DUOX1: variants seen among roughly 807,000 people sequenced by gnomAD.
DUOX1 encodes the protein NADPH thyroid oxidase 1.
Under a neutral mutation model 181.8 loss-of-function variants are expected in DUOX1, and 134 were observed. The observed-to-expected ratio is 0.74, with a 90% CI of 0.64 to 0.85. The LOEUF (loss-of-function observed/expected upper bound fraction) is 0.85, where lower values mean the gene tolerates loss of function less well. DUOX1 is among the 40% of genes least tolerant of loss of function. The pLI, the probability that DUOX1 is intolerant of heterozygous loss-of-function variation, is 0.00. For synonymous variants in DUOX1, 798 were observed against 832.5 expected, an observed-to-expected ratio of 0.96 and a Z score of 0.71; for missense variants, 1,814 against 2,064.4, an observed-to-expected ratio of 0.88 and a Z score of 2.35.
intron 33 of DUOX1, among the ~76,000 whole-genome samples, chr15:45,164,573 ATCC>A (rs1897182355): frequency 6.6e-6 from 1 of 151,816 alleles, no homozygotes; most frequent in Admixed American, 6.6e-5. Context: ...GGCACAAGCA[ATCC>A]TCCTGCCTCA....
In DUOX1 at chr15:45,139,577, C is replaced by T. The variant is rs945146724; in HGVS notation, c.1367C>T (p.Ala456Val). 1 of 1,600,612 alleles carries T rather than the reference C, an allele frequency of 6.2e-7. No homozygotes were observed. ...PITRWQDINP[A>V]LSRSNDTVLE... The stretch of plus-strand genomic sequence containing the variant: ...ACCCGCTGGCAGGACATCAACCCTG[C>T]ACTCTCCCGGAGCAATGACACTGTG... The change falls in exon 12 of 34, where the codon GCA (alanine) becomes GTA (valine). Residue 456 changes from alanine to valine, a missense_variant. This residue lies in a region of DUOX1 where 1,064 missense variants were observed against 1,152.9 expected (regional missense o/e 0.92). Transcript: ENST00000389037.
At chr15:45,141,271 C>T in intron 13 of DUOX1, 21 bp from the exon 14 acceptor site, 1 of 1,613,482 alleles carries the variant, frequency 6.2e-7, no homozygotes, top group Non-Finnish European at 8.5e-7. Flanking sequence ...ATCCCAGTGA[C>T]TTCTACTTAC....
intron 10 of DUOX1, among the ~76,000 whole-genome samples, chr15:45,138,315 G>T (rs527465007): frequency 9.5e-4 from 145 of 152,262 alleles, no homozygotes; most frequent in Middle Eastern, 3.4e-3. Context: ...CGCCTTCGTT[G>T]CTCCCTCTCA....
intron 15 of DUOX1, 101 bp from the exon 16 acceptor site, chr15:45,143,089 G>A (rs1896550107): frequency 2.4e-6 from 2 of 830,308 alleles, no homozygotes; most frequent in Admixed American, 4.5e-5. Context: ...CCTAGGAGGT[G>A]GGGACAATAG....
chr15:45,131,775 T>G, intron 1 of DUOX1, 143 bp from the exon 2 acceptor site: 2 of 614,660 alleles, frequency 3.3e-6, no homozygotes, highest in East Asian at 5.5e-5. Context: ...ATTAAAGAAT[T>G]TTCGGAAAGA....
chr15:45,142,801 G>GGAAGGAAGGAAGGAAGGA (rs1567012359), intron 15 of DUOX1, among the ~76,000 whole-genome samples: 1 of 144,676 alleles, frequency 6.9e-6, no homozygotes, highest in African/African-American at 2.6e-5. Context: ...GGGAGGAAGG[G>GGAAGGAAGGAAGGAAGGA]AGGGAGGAAG....
chr15:45,143,950 C>A, intron 16 of DUOX1, 86 bp from the exon 17 acceptor site: 2 of 1,369,748 alleles, frequency 1.5e-6, no homozygotes, highest in Non-Finnish European at 2.1e-6. Flanking sequence ...AGGCCTTGAT[C>A]TAATTTCAGC....
intron 21 of DUOX1, among the ~76,000 whole-genome samples, chr15:45,149,338 T>A (rs900677314): frequency 1.3e-5 from 2 of 152,078 alleles, no homozygotes; most frequent in African/African-American, 4.8e-5. Context: ...CTTTTTACCT[T>A]TCCCAGGCAG....
intron 25 of DUOX1, 85 bp downstream of exon 25, chr15:45,152,601 G>T: frequency 7.9e-7 from 1 of 1,260,282 alleles, no homozygotes; most frequent in South Asian, 1.2e-5. Context: ...CCTCTCTGCT[G>T]GCACTTACCT....
At chr15:45,151,723 T>C in intron 23 of DUOX1, 151 bp from the exon 24 acceptor site, 1 of 780,044 alleles carries the variant, frequency 1.3e-6, no homozygotes, top group Non-Finnish European at 2.1e-6. Flanking sequence ...TGCGGTGAGG[T>C]CTGAACCCTT....
chr15:45,155,606 T>A (rs1157196709), intron 27 of DUOX1, 196 bp from the exon 28 acceptor site: 3 of 632,116 alleles, frequency 4.7e-6, no homozygotes, highest in African/African-American at 3.8e-5. Context: ...TGACAAGGGC[T>A]ATGAAAAGTG....
In DUOX1 at chr15:45,141,371, C is replaced by T. The variant is rs775404107; in HGVS notation, c.1645C>T (p.Pro549Ser). ...GCTGGTCGCTGTTATCAACATTGACCCCAGTGCTCTGCAGCCCAATGTCTT... is the reference window on the plus strand; with the variant it reads ...GCTGGTCGCTGTTATCAACATTGACTCCAGTGCTCTGCAGCCCAATGTCTT... ...DVLVAVINID[P>S]SALQPNVFVW... The change falls in exon 14 of 34, where the codon CCC becomes TCC. Residue 549 changes from proline to serine, a missense_variant. By Grantham distance (74) the Pro-to-Ser change is moderately conservative. Transcript: ENST00000389037. The T allele has an allele frequency of 2.5e-6, 4 of 1,614,094 alleles. No individual in the cohort carries two copies. The highest frequency in any genetic ancestry group is 3.3e-5 in the Admixed American group (2 of 60,006).
At chr15:45,160,759 A>T in intron 28 of DUOX1, 78 bp from the exon 29 acceptor site, 1 of 1,421,646 alleles carries the variant, frequency 7.0e-7, no homozygotes, top group Non-Finnish European at 9.1e-7. Context: ...GGAAGTATGG[A>T]GGGTCTAAGG....
chr15:45,137,360 C>CAAAAAAAAAA (rs748162336), intron 9 of DUOX1, among the ~76,000 whole-genome samples: 2 of 46,462 alleles, frequency 4.3e-5, no homozygotes, highest in Non-Finnish European at 7.2e-5. Context: ...AACTCCATCT[C>CAAAAAAAAAA]AAAAAAAAAA....
rs1278636402 is a variant in DUOX1, at chr15:45,134,116, C to T, written c.143-29C>T. 2.6e-6 allele frequency: 4 copies of T among 1,538,914 alleles called. No homozygotes were observed. The East Asian group carries it at 9.1e-5, about 35-fold the overall frequency. On this transcript the variant is annotated intron_variant, in intron 3 of 33. Transcript: ENST00000389037. ...GGGTCAAGAATGCCCCCTGAAGATTCATCCTTATCCTTACCCCTCCTACCC... is the reference window on the plus strand; with the variant it reads ...GGGTCAAGAATGCCCCCTGAAGATTTATCCTTATCCTTACCCCTCCTACCC...
At chr15:45,134,012 G>A (rs1896218750) in intron 3 of DUOX1, 65 bp downstream of exon 3, 8 of 1,590,086 alleles carry the variant, frequency 5.0e-6, no homozygotes, top group Non-Finnish European at 6.0e-6. Flanking sequence ...TGCGGGGCAA[G>A]AGCTGGCAAG....
Position 45,139,591 on chromosome 15 carries a change from A to C in DUOX1, c.1381A>C (p.Asn461His), listed in dbSNP as rs1363627449. 1 of 1,585,260 alleles carries C rather than the reference A, an allele frequency of 6.3e-7. No individual in the cohort carries two copies. Among genetic ancestry groups the C allele is most frequent in the South Asian group, 1.2e-5 (1 of 86,750 alleles). ...CATCAACCCTGCACTCTCCCGGAGC[A>C]ATGACACTGTGAGGAGGGGTCAGGA... Reference protein sequence around the residue: ...QDINPALSRSNDTVLEATAAL... With the variant: ...QDINPALSRSHDTVLEATAAL... Residue 461 changes from asparagine (N) to histidine (H), a missense_variant, in exon 12 of 34, where the codon AAT becomes CAT. Transcript: ENST00000389037.
chr15:45,161,127 G>C (rs1237706257), intron 29 of DUOX1, 137 bp downstream of exon 29: 17 of 1,348,944 alleles, frequency 1.3e-5, no homozygotes, highest in Non-Finnish European at 1.7e-5. Context: ...AAAGGAGCTG[G>C]TAGGGGCAAG....
Position 45,138,785 on chromosome 15 carries a change from G to A in DUOX1, c.1114-281G>A, listed in dbSNP as rs142121378. On this transcript the variant is annotated intron_variant, in intron 10 of 33. Transcript: ENST00000389037. ...CAGAGGACTAAGACCTAGATCTTCT[G>A]GTTACTTTGCCAACCACACTGTCAA... is the stretch of plus-strand genomic sequence containing the variant. 4.7e-3 allele frequency: 1,894 copies of A among 405,102 alleles called. 33 individuals carry two copies. The highest frequency in any genetic ancestry group is 0.026 in the South Asian group (635 of 24,814). The allele number at this position is 405,102 out of a possible 1,614,324, so 25.1% of individuals were successfully genotyped here. A position where few individuals can be genotyped will look rare whatever the true frequency, so the allele number is the denominator to read the frequency against.
Sources: gnomAD v4.1 joint callset for allele counts (sites outside exome capture counted in the v4.1 genomes callset) on GRCh38, gnomAD v4.1.1 for gene constraint, gnomAD v4.1.1 regional missense constraint, MANE v1.5 for transcripts, NCBI Gene and HGNC (gene_info 2026-07-23, HGNC 2026-07-21) for gene names.